RABGEF1: variants seen among roughly 807,000 people sequenced by gnomAD.
The protein encoded by RABGEF1 is RAB guanine nucleotide exchange factor 1.
Under a neutral mutation model 57.3 loss-of-function variants are expected in RABGEF1, and 26 were observed. The observed-to-expected ratio is 0.45, with a 90% CI of 0.33 to 0.63. The LOEUF (loss-of-function observed/expected upper bound fraction) is 0.63. Among genes scored for constraint, RABGEF1 ranks in the 20% least tolerant of loss-of-function variants. RABGEF1 has a pLI of 0.02. For missense variants in RABGEF1, 464 were observed against 607.6 expected (o/e 0.76, Z 2.48); for synonymous variants, 185 against 210.7 (o/e 0.88, Z 1.06).
chr7:66,756,845 A>T (rs1317614490), intron 1 of RABGEF1, among the ~76,000 whole-genome samples: 1 of 152,192 alleles, frequency 6.6e-6, no homozygotes, highest in Non-Finnish European at 1.5e-5. Flanking sequence ...AACACTATTT[A>T]TTGAAAATTT....
chr7:66,672,644 C>T, the RABGEF1 span, among the ~76,000 whole-genome samples: 1 of 152,016 alleles, frequency 6.6e-6, no homozygotes, highest in Admixed American at 6.5e-5. Context: ...GTGGCTGGAA[C>T]TCTTAGCTCC....
At chr7:66,780,109 A>C (rs1434005449) in intron 3 of RABGEF1, among the ~76,000 whole-genome samples, 1 of 152,200 alleles carries the variant, frequency 6.6e-6, no homozygotes, top group East Asian at 1.9e-4. Context: ...GCATGTTGTA[A>C]GCAAAGCAAT....
intron 1 of RABGEF1, among the ~76,000 whole-genome samples, chr7:66,705,912 T>G (rs1475739610): frequency 4.7e-5 from 4 of 84,952 alleles, no homozygotes; most frequent in Non-Finnish European, 7.3e-5. Flanking sequence ...TTTTTTTTTT[T>G]TGAGACGGAG....
chr7:66,805,776 A>G (rs1224891547), intron 8 of RABGEF1, among the ~76,000 whole-genome samples: 1 of 151,766 alleles, frequency 6.6e-6, no homozygotes, highest in Non-Finnish European at 1.5e-5. Context: ...ACAGGGTCTC[A>G]CTCTATCACC....
intron 5 of RABGEF1, 54 bp from the exon 6 acceptor site, chr7:66,797,320 A>AG (rs925819896): frequency 2.6e-4 from 297 of 1,161,804 alleles, no homozygotes; most frequent in Middle Eastern, 6.3e-4. Context: ...AAAAAAAAAA[A>AG]AGAGAGAGAA....
At chr7:66,674,376 T>TG in the RABGEF1 span, among the ~76,000 whole-genome samples, 10 of 151,914 alleles carry the variant, frequency 6.6e-5, no homozygotes, top group African/African-American at 2.4e-4. Context: ...TAAGTAGAGA[T>TG]GGAGTTTCAC....
intron 3 of RABGEF1, among the ~76,000 whole-genome samples, chr7:66,781,703 C>T (rs1809944181): frequency 6.6e-6 from 1 of 152,204 alleles, no homozygotes; most frequent in South Asian, 2.1e-4. Context: ...CTGCAGATAC[C>T]TGCAGCTTTT....
At chr7:66,775,547 A>G (rs745453772) in intron 3 of RABGEF1, among the ~76,000 whole-genome samples, 154 bp downstream of exon 3, 99 of 152,370 alleles carry the variant, frequency 6.5e-4, no homozygotes, top group Middle Eastern at 3.4e-3. Context: ...GTCAGACAGT[A>G]TATGAAATCA....
intron 1 of RABGEF1, among the ~76,000 whole-genome samples, chr7:66,684,979 G>T (rs1790377011): frequency 6.6e-6 from 1 of 151,842 alleles, no homozygotes; most frequent in African/African-American, 2.4e-5. Context: ...TTCCCAGGGT[G>T]GTCTCCAACC....
intron 1 of RABGEF1, among the ~76,000 whole-genome samples, chr7:66,757,840 TGACCTCGTGATCCGCCCGCCTC>T (rs1195919820): frequency 6.6e-6 from 1 of 152,302 alleles, no homozygotes; most frequent in Non-Finnish European, 1.5e-5. Context: ...CTCGATCTTC[TGACCTCGTGATCCGCCCGCCTC>T]GACCTCCCAA....
the RABGEF1 span, chr7:66,665,166 C>A: frequency 6.6e-6 from 1 of 151,412 alleles, no homozygotes; most frequent in African/African-American, 2.4e-5. Flanking sequence ...TTTTTTTTAA[C>A]TAGAATCTCA....
chr7:66,661,598 A>G, the RABGEF1 span, among the ~76,000 whole-genome samples: 1 of 152,264 alleles, frequency 6.6e-6, no homozygotes, highest in South Asian at 2.1e-4. Flanking sequence ...GGGTAAACCT[A>G]TAACTAGTAA....
At chr7:66,664,771 T>C in the RABGEF1 span, among the ~76,000 whole-genome samples, 2 of 152,198 alleles carry the variant, frequency 1.3e-5, no homozygotes, top group African/African-American at 4.8e-5. Flanking sequence ...GGCTGCCGCT[T>C]AAGTAGCTTC....
chr7:66,687,839 A>C (rs1272956137), intron 1 of RABGEF1, among the ~76,000 whole-genome samples: 1 of 152,096 alleles, frequency 6.6e-6, no homozygotes, highest in Non-Finnish European at 1.5e-5. Context: ...TAATCCCAGC[A>C]CTCTGGGAGG....
At chr7:66,736,694 C>A (rs1024646343), upstream of RABGEF1, among the ~76,000 whole-genome samples, 1 of 152,060 alleles carries the variant, frequency 6.6e-6, no homozygotes. Context: ...AACCCCATCT[C>A]TACTAAAAAT....
chr7:66,760,015 A>T (rs1373836063), intron 1 of RABGEF1, among the ~76,000 whole-genome samples: 1 of 152,208 alleles, frequency 6.6e-6, no homozygotes, highest in Admixed American at 6.5e-5. Flanking sequence ...AACCATACAA[A>T]ACACCCTTAT....
chr7:66,708,476 CG>C (rs769169692), intron 1 of RABGEF1, among the ~76,000 whole-genome samples: 1 of 151,618 alleles, frequency 6.6e-6, no homozygotes, highest in Non-Finnish European at 1.5e-5. Context: ...TTAGTAGAGA[CG>C]GGGTTTCACC....
intron 1 of RABGEF1, among the ~76,000 whole-genome samples, chr7:66,687,945 C>T (rs865990766): frequency 7.2e-5 from 11 of 151,898 alleles, no homozygotes; most frequent in Admixed American, 2.0e-4. Context: ...ATTAGCCAGG[C>T]GTGGTGGTGC....
At chr7:66,806,640 C>CTTT (rs71997947) in intron 8 of RABGEF1, among the ~76,000 whole-genome samples, 41 of 114,616 alleles carry the variant, frequency 3.6e-4, no homozygotes, top group Non-Finnish European at 4.9e-4. Flanking sequence ...CTCATATATC[C>CTTT]TTTTTTTTTT....
Sources: gnomAD v4.1 joint callset for allele counts (sites outside exome capture counted in the v4.1 genomes callset) on GRCh38, gnomAD v4.1.1 for gene constraint, MANE v1.5 for transcripts, NCBI Gene and HGNC (gene_info 2026-07-23, HGNC 2026-07-21) for gene names.